The following PCDHAC1 variants were observed in gnomAD, a reference collection of about 807,000 sequenced individuals.
PCDHAC1 encodes the protein protocadherin alpha-C1.
A neutral mutation model predicts 60.0 loss-of-function variants in PCDHAC1; 42 were observed. The observed-to-expected ratio is 0.70, with a 90% CI of 0.55 to 0.90. PCDHAC1 has a LOEUF of 0.90. Ranked by LOEUF, PCDHAC1 falls within the 40% of genes least tolerant of loss-of-function variation. PCDHAC1 has a pLI of 0.00. For missense variants in PCDHAC1, 1,160 were observed against 1,222.3 expected, an observed-to-expected ratio of 0.95 and a Z score of 0.76; for synonymous variants, 468 against 499.3, an observed-to-expected ratio of 0.94 and a Z score of 0.84.
intron 1 of PCDHAC1, among the ~76,000 whole-genome samples, chr5:140,945,880 A>G (rs1210743057): frequency 6.6e-6 from 1 of 152,136 alleles, no homozygotes; most frequent in Non-Finnish European, 1.5e-5. Flanking sequence ...TAAAACTAAC[A>G]AAGAAAACAC....
At chr5:140,963,685 C>T (rs1272143166) in intron 1 of PCDHAC1, among the ~76,000 whole-genome samples, 19 of 152,220 alleles carry the variant, frequency 1.2e-4, no homozygotes, top group Middle Eastern at 3.4e-3. Flanking sequence ...TGTGTTTATC[C>T]GTGTTTGATA....
At chr5:140,989,329 C>A (rs1554250749) in intron 3 of PCDHAC1, among the ~76,000 whole-genome samples, 2 of 152,120 alleles carry the variant, frequency 1.3e-5, no homozygotes, top group African/African-American at 4.8e-5. Context: ...AACTTTGCCA[C>A]CTGACTCAGC....
intron 1 of PCDHAC1, among the ~76,000 whole-genome samples, chr5:140,936,282 T>C (rs781971653): frequency 6.6e-6 from 1 of 152,250 alleles, no homozygotes; most frequent in Non-Finnish European, 1.5e-5. Context: ...CTGTGTTTTC[T>C]TCTATAACAT....
chr5:140,938,309 A>T (rs1379097876), intron 1 of PCDHAC1, among the ~76,000 whole-genome samples: 1 of 152,216 alleles, frequency 6.6e-6, no homozygotes, highest in African/African-American at 2.4e-5. Flanking sequence ...AATTCAGTAT[A>T]AAATTGAATA....
chr5:140,940,076 T>C (rs1469877434), intron 1 of PCDHAC1, among the ~76,000 whole-genome samples: 2 of 152,230 alleles, frequency 1.3e-5, no homozygotes, highest in Non-Finnish European at 2.9e-5. Flanking sequence ...ATGTGATATC[T>C]TTCTGCTAAA....
intron 1 of PCDHAC1, among the ~76,000 whole-genome samples, chr5:140,931,749 G>A (rs368438680): frequency 2.0e-5 from 3 of 151,878 alleles, no homozygotes; most frequent in East Asian, 3.9e-4. Context: ...ATTCACAAAG[G>A]CATTTGTTAT....
intron 3 of PCDHAC1, among the ~76,000 whole-genome samples, chr5:140,984,059 C>G (rs1269975627): frequency 6.6e-6 from 1 of 152,108 alleles, no homozygotes; most frequent in East Asian, 1.9e-4. Context: ...CAAATCTGTA[C>G]CCTCAGTGCC....
At chr5:140,961,743 A>G (rs1585893660) in intron 1 of PCDHAC1, among the ~76,000 whole-genome samples, 1 of 152,170 alleles carries the variant, frequency 6.6e-6, no homozygotes, top group East Asian at 1.9e-4. Flanking sequence ...CTTTAGTAAT[A>G]TTACAGTTTT....
intron 3 of PCDHAC1, among the ~76,000 whole-genome samples, chr5:140,990,685 C>T (rs1451672615): frequency 2.6e-5 from 4 of 152,252 alleles, no homozygotes; most frequent in South Asian, 4.1e-4. Context: ...AAGCTGCTTT[C>T]GGAGAGTCCA....
At position 140,942,409 on chromosome 5, in the gene PCDHAC1, TA is replaced by T. The variant is rs78736997; in HGVS notation, c.2433+13096del. Among the ~76,000 whole-genome samples, 464 of 143,336 alleles carry T rather than the reference TA, an allele frequency of 3.2e-3. 2 individuals are homozygous for T. Among genetic ancestry groups the T allele is most frequent in the African/African-American group, 7.7e-3 (304 of 39,312 alleles). The allele number at this position is 143,336 out of a possible 152,430, so 94.0% of individuals were successfully genotyped here. Reference sequence around the variant, plus strand: ...CCTGGGCGACAGATGAGACTCTGTTTAAAAAAAAAAAAGATATCTAACAATA... The same window carrying T: ...CCTGGGCGACAGATGAGACTCTGTTTAAAAAAAAAAAGATATCTAACAATA... On this transcript the variant is annotated intron_variant, in intron 1 of 3. Transcript: ENST00000253807.
intron 3 of PCDHAC1, among the ~76,000 whole-genome samples, chr5:140,984,282 C>T (rs543279467): frequency 6.6e-6 from 1 of 152,296 alleles, no homozygotes; most frequent in Admixed American, 6.5e-5. Flanking sequence ...ATACATTCTC[C>T]CTCCCATTGG....
chr5:140,966,803 C>G, intron 1 of PCDHAC1: 1 of 1,542,484 alleles, frequency 6.5e-7, no homozygotes, highest in Non-Finnish European at 8.7e-7. Context: ...GGCGACAGAG[C>G]ATCCACGGCT....
Position 141,010,780 on chromosome 5 carries a change from TGCAAAA to T in PCDHAC1, c.*851_*856del, listed in dbSNP as rs1309288663. 1 of 153,816 alleles carries T rather than the reference TGCAAAA, an allele frequency of 6.5e-6. No homozygotes were observed. The highest frequency in any genetic ancestry group is 1.9e-4 in the East Asian group (1 of 5,188). The allele number at this position is 153,816 out of a possible 1,614,324, so 9.5% of individuals were successfully genotyped here. On this transcript the variant is annotated 3_prime_UTR_variant, in exon 4 of 4. Transcript: ENST00000253807. ...AGGCCAGATCCTTTTCCAATACTTATGCAAAAGCAAAAGAAAACCCCGACACCTCAC... is the reference window on the plus strand; with the variant it reads ...AGGCCAGATCCTTTTCCAATACTTATGCAAAAGAAAACCCCGACACCTCAC...
chr5:140,926,769 G>T lies in PCDHAC1; in HGVS notation c.-124G>T, dbSNP rs1584462454. 7.3e-6 allele frequency: 10 copies of T among 1,360,582 alleles called. No individual in the cohort carries two copies. In the East Asian group the frequency reaches 2.4e-4, roughly 33 times the overall value. 84.3% of individuals were successfully genotyped at this position (1,360,582 alleles called of 1,614,324 possible). On this transcript the variant is annotated 5_prime_UTR_variant, in exon 1 of 4. Coordinates refer to ENST00000253807, the MANE Select transcript of PCDHAC1 (RefSeq NM_018898.5). ...TCGGCGGTCGCTGAGTATCCAGCCCGCAGCAGTGACGGCCGGCAGGAGCGT... is the reference window on the plus strand; with the variant it reads ...TCGGCGGTCGCTGAGTATCCAGCCCTCAGCAGTGACGGCCGGCAGGAGCGT...
At chr5:140,983,885 T>C (rs74936593) in intron 3 of PCDHAC1, among the ~76,000 whole-genome samples, 2,965 of 152,290 alleles carry the variant, frequency 0.019, 72 homozygotes, top group African/African-American at 0.056. Flanking sequence ...ACTGGCAACT[T>C]TAAGGGCATT....
intron 1 of PCDHAC1, among the ~76,000 whole-genome samples, chr5:140,970,706 A>G (rs1266484266): frequency 6.6e-6 from 1 of 152,224 alleles, no homozygotes; most frequent in Non-Finnish European, 1.5e-5. Context: ...CTACTACACA[A>G]TGTGTGAACA....
At chr5:140,965,538 A>G (rs1554227750) in intron 1 of PCDHAC1, among the ~76,000 whole-genome samples, 1 of 151,958 alleles carries the variant, frequency 6.6e-6, no homozygotes, top group Non-Finnish European at 1.5e-5. Flanking sequence ...TGGAATCCAA[A>G]TTCCAGCCTG....
intron 1 of PCDHAC1, chr5:140,966,642 G>A (rs897727830): frequency 8.9e-7 from 1 of 1,117,790 alleles, no homozygotes; most frequent in East Asian, 3.1e-5. Flanking sequence ...GCGCTTTCTA[G>A]AGCGTGAGCG....
intron 3 of PCDHAC1, among the ~76,000 whole-genome samples, chr5:140,998,569 G>GTT (rs71574497): frequency 0.068 from 10,108 of 149,316 alleles, 392 homozygotes; most frequent in Middle Eastern, 0.14. Flanking sequence ...TTGTAAATAA[G>GTT]TTTTTTTTTT....
Sources: gnomAD v4.1 joint callset for allele counts (sites outside exome capture counted in the v4.1 genomes callset) on GRCh38, gnomAD v4.1.1 for gene constraint, MANE v1.5 for transcripts, NCBI Gene and HGNC (gene_info 2026-07-23, HGNC 2026-07-21) for gene names.